PAPSS1: variants seen among roughly 807,000 people sequenced by gnomAD.
PAPSS1 encodes 3'-phosphoadenosine 5'-phosphosulfate synthase 1, also known as bifunctional 3'-phosphoadenosine 5'-phosphosulfate synthase 1.
PAPSS1 carries 50 observed loss-of-function variants against 72.0 expected under a neutral mutation model. That is an observed-to-expected ratio of 0.69 (90% CI 0.55 to 0.88). PAPSS1 has a LOEUF of 0.88. PAPSS1 is among the 40% of genes least tolerant of loss of function. PAPSS1 has a pLI of 0.00. For synonymous variants in PAPSS1, 261 were observed against 263.6 expected (o/e 0.99, Z 0.09); for missense variants, 657 against 782.2 (o/e 0.84, Z 1.91).
intron 1 of PAPSS1, among the ~76,000 whole-genome samples, chr4:107,719,327 C>G (rs187171927): frequency 6.6e-6 from 1 of 152,234 alleles, no homozygotes; most frequent in Non-Finnish European, 1.5e-5. Context: ...AAGATGGGCC[C>G]TTCCCTGCTG....
intron 3 of PAPSS1, among the ~76,000 whole-genome samples, chr4:107,688,300 G>C (rs1279069966): frequency 1.3e-4 from 20 of 152,112 alleles, no homozygotes; most frequent in Non-Finnish European, 2.4e-4. Context: ...CAACTGCTAA[G>C]GGCAGTGGTG....
chr4:107,622,264 A>G (rs1936577074), intron 11 of PAPSS1, among the ~76,000 whole-genome samples: 1 of 152,194 alleles, frequency 6.6e-6, no homozygotes, highest in African/African-American at 2.4e-5. Flanking sequence ...GCAAAGCCCA[A>G]GAGTACTGCT....
chr4:107,628,455 G>A (rs1390605579), intron 11 of PAPSS1, among the ~76,000 whole-genome samples: 2 of 152,158 alleles, frequency 1.3e-5, no homozygotes, highest in Non-Finnish European at 2.9e-5. Context: ...CACAGGGTCA[G>A]GGCTACATTA....
At chr4:107,676,404 A>G (rs1401519950) in intron 5 of PAPSS1, among the ~76,000 whole-genome samples, 1 of 152,204 alleles carries the variant, frequency 6.6e-6, no homozygotes, top group Non-Finnish European at 1.5e-5. Context: ...ACAAACAGAG[A>G]GCCAAATCAT....
intron 1 of PAPSS1, among the ~76,000 whole-genome samples, chr4:107,716,341 G>T (rs772307878): frequency 3.9e-5 from 6 of 152,220 alleles, no homozygotes; most frequent in Non-Finnish European, 7.3e-5. Flanking sequence ...AGGCATCCCA[G>T]GGAGAAGGAA....
At chr4:107,626,013 C>T (rs757162964) in intron 11 of PAPSS1, among the ~76,000 whole-genome samples, 41 of 150,534 alleles carry the variant, frequency 2.7e-4, no homozygotes, top group Non-Finnish European at 4.6e-4. Context: ...CCCATCTCTA[C>T]TAAAAATAAA....
At chr4:107,631,902 C>G in intron 10 of PAPSS1, 42 bp from the exon 11 acceptor site, 2 of 1,289,034 alleles carry the variant, frequency 1.6e-6, no homozygotes, top group Non-Finnish European at 2.2e-6. Flanking sequence ...GCTTTTATGA[C>G]TATGTACTTA....
At chr4:107,648,404 C>T (rs1487317068) in intron 9 of PAPSS1, among the ~76,000 whole-genome samples, 3 of 152,172 alleles carry the variant, frequency 2.0e-5, no homozygotes, top group African/African-American at 7.2e-5. Context: ...CCAAAGACAA[C>T]TGCAAACTCA....
Position 107,720,138 on chromosome 4 carries a change from G to T in PAPSS1, c.42C>A (p.Ser14Arg). The T allele has an allele frequency of 6.2e-7, 1 of 1,606,798 alleles. No individual in the cohort carries two copies. ...PGSLCKKVKL[S>R]NNAQNWGMQR... ...AGCTTACCCAGTTCTGCGCGTTATT[G>T]CTCAGTTTGACTTTCTTGCACAGGC... The change falls in exon 1 of 12, where the codon AGC becomes AGA. Residue 14 changes from serine (S) to arginine (R), a missense_variant. Ser to Arg is a moderately radical substitution (Grantham distance 110, BLOSUM62 -1). This residue lies in a region of PAPSS1 where 48 missense variants were observed against 31.9 expected (regional missense o/e 1.51). Transcript: ENST00000265174.
intron 9 of PAPSS1, among the ~76,000 whole-genome samples, chr4:107,646,054 T>C (rs1454458120): frequency 6.6e-6 from 1 of 152,310 alleles, no homozygotes; most frequent in East Asian, 1.9e-4. Context: ...GTTCCTCACG[T>C]TACCTTTATA....
At chr4:107,648,668 C>T (rs986047852) in intron 9 of PAPSS1, among the ~76,000 whole-genome samples, 1 of 152,202 alleles carries the variant, frequency 6.6e-6, no homozygotes, top group Non-Finnish European at 1.5e-5. Context: ...TGCCTCTCTA[C>T]GGTAAAGCTC....
intron 5 of PAPSS1, among the ~76,000 whole-genome samples, chr4:107,679,875 GA>G (rs970068137): frequency 1.3e-5 from 2 of 151,322 alleles, no homozygotes; most frequent in Non-Finnish European, 2.9e-5. Flanking sequence ...AATTTCAACA[GA>G]AAAATGAATA....
intron 11 of PAPSS1, among the ~76,000 whole-genome samples, chr4:107,626,595 G>A (rs28612675): frequency 0.24 from 36,513 of 151,996 alleles, 5,006 homozygotes; most frequent in Middle Eastern, 0.33. Flanking sequence ...TATCAACAAC[G>A]TTTTGCCTGA....
chr4:107,682,826 A>G (rs571211807), intron 4 of PAPSS1, among the ~76,000 whole-genome samples: 1 of 152,368 alleles, frequency 6.6e-6, no homozygotes, highest in East Asian at 1.9e-4. Flanking sequence ...GAAGCTCTGC[A>G]GGCTTCTTCT....
chr4:107,645,037 A>G lies in PAPSS1; in HGVS notation c.1271T>C (p.Val424Ala). 1 of 1,585,920 alleles carries G rather than the reference A, an allele frequency of 6.3e-7. No homozygotes were observed. Among genetic ancestry groups the G allele is most frequent in the Non-Finnish European group, 8.6e-7 (1 of 1,165,368 alleles). Residue 424 changes from valine to alanine, a missense_variant, in exon 10 of 12, where the codon GTG becomes GCG. Coordinates refer to ENST00000265174, the MANE Select transcript of PAPSS1 (RefSeq NM_005443.5). ...CATTAACAGGGCATGTCCATTGTGCACTGGGTTGCGTAGTTGAAATGCAAA... is the reference window on the plus strand; with the variant it reads ...CATTAACAGGGCATGTCCATTGTGCGCTGGGTTGCGTAGTTGAAATGCAAA... Reference protein sequence around the residue: ...AVFAFQLRNPVHNGHALLMQD... With the variant: ...AVFAFQLRNPAHNGHALLMQD...
chr4:107,624,908 A>G (rs1385560275), intron 11 of PAPSS1, among the ~76,000 whole-genome samples: 1 of 152,242 alleles, frequency 6.6e-6, no homozygotes, highest in African/African-American at 2.4e-5. Flanking sequence ...TGTGTATTGC[A>G]AAGACTGTGG....
intron 9 of PAPSS1, among the ~76,000 whole-genome samples, chr4:107,646,450 A>C (rs905880825): frequency 6.6e-6 from 1 of 152,052 alleles, no homozygotes; most frequent in Non-Finnish European, 1.5e-5. Context: ...GCAAAACAAA[A>C]GCCCATACAT....
chr4:107,711,896 TG>T (rs1430938764), intron 1 of PAPSS1, among the ~76,000 whole-genome samples: 1 of 152,200 alleles, frequency 6.6e-6, no homozygotes, highest in Non-Finnish European at 1.5e-5. Context: ...GAAAACAACT[TG>T]AAAAGGCTAC....
intron 11 of PAPSS1, among the ~76,000 whole-genome samples, chr4:107,627,041 C>T (rs918562325): frequency 6.6e-6 from 1 of 152,128 alleles, no homozygotes; most frequent in Non-Finnish European, 1.5e-5. Flanking sequence ...AAAAGAGAGA[C>T]TTAAAGCAAT....
Sources: allele counts gnomAD v4.1 joint callset (sites outside exome capture counted in the v4.1 genomes callset), GRCh38; gene constraint gnomAD v4.1.1; regional missense constraint gnomAD v4.1.1; transcripts MANE v1.5; gene names NCBI Gene and HGNC (gene_info 2026-07-23, HGNC 2026-07-21).